Variants in C12orf42 observed in about 807,000 individuals in gnomAD.
C12orf42 encodes chromosome 12 open reading frame 42.
A neutral mutation model predicts 21.6 loss-of-function variants in C12orf42; 25 were observed. That is an observed-to-expected ratio of 1.16 (90% CI 0.84 to 1.62). The LOEUF (loss-of-function observed/expected upper bound fraction) is 1.62. C12orf42 is among the 40% of genes most tolerant of loss of function. C12orf42 has a pLI of 0.00. For missense variants in C12orf42, 483 were observed against 459.3 expected (o/e 1.05, Z -0.47); for synonymous variants, 174 against 175.0 (o/e 0.99, Z 0.05).
intron 4 of C12orf42, among the ~76,000 whole-genome samples, chr12:103,329,437 C>T (rs1167894253): frequency 6.6e-6 from 1 of 151,978 alleles, no homozygotes; most frequent in Non-Finnish European, 1.5e-5. Flanking sequence ...GCATGTGGGG[C>T]TTAAAACCTA....
At chr12:103,274,882 G>A (rs1383512227) in intron 5 of C12orf42, among the ~76,000 whole-genome samples, 3 of 151,934 alleles carry the variant, frequency 2.0e-5, no homozygotes, top group African/African-American at 4.8e-5. Context: ...TTTAGTTTTC[G>A]AGCTCCTAAC....
the C12orf42 span, among the ~76,000 whole-genome samples, chr12:103,216,853 C>T: frequency 2.0e-5 from 3 of 150,774 alleles, no homozygotes; most frequent in Non-Finnish European, 3.0e-5. Context: ...TTCTCTCTTT[C>T]TTTTTTTGAG....
intron 1 of C12orf42, among the ~76,000 whole-genome samples, chr12:103,479,490 C>T (rs1479450293): frequency 6.6e-6 from 1 of 152,040 alleles, no homozygotes; most frequent in Non-Finnish European, 1.5e-5. Context: ...TCAGTCTTCA[C>T]AGAAGTTGGA....
chr12:103,205,364 A>G, the C12orf42 span, among the ~76,000 whole-genome samples: 1 of 152,200 alleles, frequency 6.6e-6, no homozygotes, highest in Non-Finnish European at 1.5e-5. Context: ...AAGTGAAGGA[A>G]GAGAAAGTCA....
At chr12:103,154,746 G>GT in the C12orf42 span, among the ~76,000 whole-genome samples, 6 of 151,928 alleles carry the variant, frequency 3.9e-5, no homozygotes, top group Middle Eastern at 3.2e-3. Context: ...AGGAAATTCC[G>GT]TTTTTTTCCA....
chr12:103,434,871 G>T (rs538805089), intron 2 of C12orf42, among the ~76,000 whole-genome samples: 234 of 152,316 alleles, frequency 1.5e-3, no homozygotes, highest in African/African-American at 4.9e-3. Flanking sequence ...CAAAGCAGCC[G>T]GGAAGCTCGA....
At chr12:103,530,585 C>A in the C12orf42 span, among the ~76,000 whole-genome samples, 12 of 151,782 alleles carry the variant, frequency 7.9e-5, no homozygotes, top group African/African-American at 2.9e-4. Flanking sequence ...CAGCATGCTT[C>A]TGCTTTAGGA....
the C12orf42 span, among the ~76,000 whole-genome samples, chr12:103,210,639 C>CTTTTTTTTTTTTTTTTTTT: frequency 1.0e-4 from 8 of 77,660 alleles, no homozygotes; most frequent in African/African-American, 1.8e-4. Context: ...CCCTCTATTT[C>CTTTTTTTTTTTTTTTTTTT]TTTTTTTTTT....
the C12orf42 span, among the ~76,000 whole-genome samples, chr12:103,100,497 ATG>A: frequency 1.3e-5 from 2 of 152,192 alleles, no homozygotes; most frequent in African/African-American, 4.8e-5. Context: ...GTCACTCCTG[ATG>A]TGTTTCCTCA....
the C12orf42 span, among the ~76,000 whole-genome samples, chr12:103,122,580 AT>A: frequency 2.0e-5 from 3 of 152,160 alleles, no homozygotes; most frequent in African/African-American, 7.2e-5. Flanking sequence ...ATAAAATAAT[AT>A]TTTTATAAAA....
the C12orf42 span, among the ~76,000 whole-genome samples, chr12:103,130,922 A>G: frequency 2.0e-5 from 3 of 152,234 alleles, no homozygotes; most frequent in African/African-American, 7.2e-5. Flanking sequence ...TGTACCCACA[A>G]TAAAAATCTG....
At chr12:103,282,073 A>T (rs1391877503) in intron 4 of C12orf42, among the ~76,000 whole-genome samples, 1 of 152,192 alleles carries the variant, frequency 6.6e-6, no homozygotes, top group African/African-American at 2.4e-5. Flanking sequence ...TTCTTTAGTT[A>T]TGTTTATTAG....
At chr12:103,286,110 G>A (rs2036439712) in intron 4 of C12orf42, among the ~76,000 whole-genome samples, 1 of 152,002 alleles carries the variant, frequency 6.6e-6, no homozygotes, top group Non-Finnish European at 1.5e-5. Context: ...AATCAGCTGG[G>A]CGTGGTGGCA....
At chr12:103,412,103 G>A (rs2048896536) in intron 2 of C12orf42, among the ~76,000 whole-genome samples, 1 of 152,174 alleles carries the variant, frequency 6.6e-6, no homozygotes. Context: ...AACACCATCT[G>A]ATAACCCAGG....
At chr12:103,178,391 G>C in the C12orf42 span, 3 of 152,294 alleles carry the variant, frequency 2.0e-5, no homozygotes, top group Admixed American at 6.5e-5. Context: ...GTGAAGTTTC[G>C]AGTTCGGTTT....
chr12:103,455,849 ACC>A (rs1952254863), intron 2 of C12orf42, among the ~76,000 whole-genome samples: 1 of 152,168 alleles, frequency 6.6e-6, no homozygotes, highest in Admixed American at 6.6e-5. Context: ...TTTTTGCTCT[ACC>A]AAGGATAAAT....
At chr12:103,356,595 G>A (rs1044174375) in intron 4 of C12orf42, among the ~76,000 whole-genome samples, 1 of 151,634 alleles carries the variant, frequency 6.6e-6, no homozygotes, top group African/African-American at 2.4e-5. Context: ...CTGAGGAATT[G>A]CCACACTGAC....
the C12orf42 span, among the ~76,000 whole-genome samples, chr12:103,537,600 C>G: frequency 5.3e-5 from 8 of 152,264 alleles, no homozygotes; most frequent in African/African-American, 1.7e-4. Flanking sequence ...GTAGAGAGGA[C>G]TGAAAGGGGA....
At chr12:103,301,140 G>C (rs1234150082), downstream of C12orf42, among the ~76,000 whole-genome samples, 1 of 152,118 alleles carries the variant, frequency 6.6e-6, no homozygotes, top group African/African-American at 2.4e-5. Context: ...ACATTATGCT[G>C]TCTTAAATGT....
Sources: gnomAD v4.1 joint callset for allele counts (sites outside exome capture counted in the v4.1 genomes callset) on GRCh38, gnomAD v4.1.1 for gene constraint, MANE v1.5 for transcripts, NCBI Gene and HGNC (gene_info 2026-07-23, HGNC 2026-07-21) for gene names.